Variants in GPR137C observed in about 807,000 individuals in gnomAD.
GPR137C encodes integral membrane protein GPR137C.
A neutral mutation model predicts 43.4 loss-of-function variants in GPR137C; 27 were observed. The observed-to-expected ratio is 0.62, with a 90% CI of 0.46 to 0.86. GPR137C has a LOEUF of 0.86. GPR137C is among the 40% of genes least tolerant of loss of function. The probability of loss-of-function intolerance (pLI) is 0.00; values close to 1 mark genes in which losing one functional copy is unlikely to be tolerated. For missense variants in GPR137C, 522 were observed against 534.6 expected (o/e 0.98, Z 0.23); for synonymous variants, 285 against 226.9 (o/e 1.26, Z -2.30).
chr14:52,622,752 G>T (rs2039174780), intron 3 of GPR137C, among the ~76,000 whole-genome samples: 1 of 152,040 alleles, frequency 6.6e-6, no homozygotes, highest in African/African-American at 2.4e-5. Flanking sequence ...GTACTTGAGT[G>T]TGCAGCAGAA....
chr14:52,601,677 G>A (rs2139529961), intron 3 of GPR137C, among the ~76,000 whole-genome samples: 1 of 152,106 alleles, frequency 6.6e-6, no homozygotes, highest in East Asian at 1.9e-4. Flanking sequence ...TACTGTCACT[G>A]TTACAGTCCA....
At chr14:52,569,032 T>C (rs552894437) in intron 1 of GPR137C, among the ~76,000 whole-genome samples, 15 of 152,292 alleles carry the variant, frequency 9.8e-5, no homozygotes, top group African/African-American at 3.1e-4. Flanking sequence ...GACAGACACC[T>C]TATGCAACAG....
In GPR137C at chr14:52,600,119, A is replaced by G. The variant is rs758963196; in HGVS notation, c.495A>G (p.Leu165=). The part of the protein sequence containing the change: ...CATELDRHKI[L]LHLGFIMASL... ...TATACTTTTTTTCTTTCAGAATTCT[A>G]CTGCATTTGGGCTTTATAATGGCAA... The change falls in exon 3 of 7, where the codon CTA becomes CTG. Residue 165 remains leucine, a synonymous_variant. Transcript: ENST00000321662. 3.7e-6 allele frequency: 6 copies of G among 1,609,284 alleles called. No individual in the cohort carries two copies. Among genetic ancestry groups the G allele is most frequent in the Non-Finnish European group, 1.7e-6 (2 of 1,176,278 alleles).
At chr14:52,625,920 T>TA (rs1566625823) in intron 3 of GPR137C, among the ~76,000 whole-genome samples, 1 of 152,096 alleles carries the variant, frequency 6.6e-6, no homozygotes, top group East Asian at 1.9e-4. Context: ...TTGACAAAGA[T>TA]AGAGTGGCAG....
rs1442181304 is a variant in GPR137C at position 52,637,358 on chromosome 14, T to A, written c.*2243T>A. The A allele has an allele frequency of 6.6e-6, 1 of 152,166 alleles. No individual in the cohort carries two copies. The highest frequency in any genetic ancestry group is 1.5e-5 in the Non-Finnish European group (1 of 68,006). The allele number at this position is 152,166 out of a possible 1,614,324, so 9.4% of individuals were successfully genotyped here. Reference sequence around the variant, plus strand: ...GTTCATCCTGCACTGAAGCACATGATGACAGTATCAAACCTTCATTTTTGT... The same window carrying A: ...GTTCATCCTGCACTGAAGCACATGAAGACAGTATCAAACCTTCATTTTTGT... On this transcript the variant is annotated 3_prime_UTR_variant, in exon 7 of 7. Coordinates refer to ENST00000321662, the MANE Select transcript of GPR137C (RefSeq NM_001099652.2).
At chr14:52,569,723 G>A (rs1056626783) in intron 1 of GPR137C, among the ~76,000 whole-genome samples, 21 of 151,776 alleles carry the variant, frequency 1.4e-4, no homozygotes, top group East Asian at 1.4e-3. Context: ...GAAATAAAGC[G>A]TGAAGACAAG....
chr14:52,635,105 C>A lies in GPR137C; in HGVS notation c.1280C>A (p.Pro427Gln), dbSNP rs764222363. 11 of 1,562,586 alleles carry A rather than the reference C, an allele frequency of 7.0e-6. No homozygotes were observed. The highest frequency in any genetic ancestry group is 1.4e-5 in the African/African-American group (1 of 72,016). ...AATCATCATAGCTTATATGTGACAC[C>A]ACAAAACTGACAGCATCACCAAGTC... ...LNNHHSLYVT[P>Q]QN The change falls in exon 7 of 7, where the codon CCA (proline) becomes CAA (glutamine). Residue 427 changes from proline to glutamine, a missense_variant. Pro to Gln is a moderately conservative substitution (Grantham distance 76). This residue lies in a region of GPR137C where 67 missense variants were observed against 69.0 expected (regional missense o/e 0.97). Coordinates refer to ENST00000321662, the MANE Select transcript of GPR137C (RefSeq NM_001099652.2).
intron 1 of GPR137C, among the ~76,000 whole-genome samples, chr14:52,561,077 A>T (rs189317515): frequency 2.6e-4 from 39 of 150,232 alleles, no homozygotes; most frequent in Middle Eastern, 3.4e-3. Flanking sequence ...CATAGCCAAG[A>T]AACACAAGAA....
chr14:52,599,108 A>T (rs2139524199), intron 2 of GPR137C, among the ~76,000 whole-genome samples: 1 of 152,320 alleles, frequency 6.6e-6, no homozygotes, highest in Non-Finnish European at 1.5e-5. Context: ...TTGGAAGTAT[A>T]AATGTGTTTG....
At chr14:52,566,586 A>C (rs1484425478) in intron 1 of GPR137C, among the ~76,000 whole-genome samples, 6 of 152,228 alleles carry the variant, frequency 3.9e-5, no homozygotes. Context: ...AAACAGCAGG[A>C]CTGACAGCAG....
intron 3 of GPR137C, among the ~76,000 whole-genome samples, chr14:52,617,641 C>T (rs2039114309): frequency 6.6e-6 from 1 of 152,032 alleles, no homozygotes; most frequent in African/African-American, 2.4e-5. Flanking sequence ...ATTGTACCAC[C>T]GCACTCCAGC....
intron 1 of GPR137C, among the ~76,000 whole-genome samples, chr14:52,583,195 A>G (rs1325861866): frequency 2.0e-5 from 3 of 152,236 alleles, no homozygotes. Context: ...AAAAAAATCT[A>G]CATAAAGCAT....
At chr14:52,578,523 C>T (rs1488177061) in intron 1 of GPR137C, among the ~76,000 whole-genome samples, 2 of 152,136 alleles carry the variant, frequency 1.3e-5, no homozygotes, top group African/African-American at 4.8e-5. Flanking sequence ...TATCTACTCT[C>T]TCTAAGTTTA....
At chr14:52,574,551 C>T (rs146977503) in intron 1 of GPR137C, among the ~76,000 whole-genome samples, 1,899 of 152,068 alleles carry the variant, frequency 0.012, 13 homozygotes, top group Non-Finnish European at 0.021. Context: ...CATCACACAC[C>T]GGGGCCTGTC....
At chr14:52,588,950 G>A (rs2038746062) in intron 1 of GPR137C, among the ~76,000 whole-genome samples, 1 of 152,124 alleles carries the variant, frequency 6.6e-6, no homozygotes, top group Non-Finnish European at 1.5e-5. Flanking sequence ...CATAGCGGCA[G>A]CATTCACAAT....
At chr14:52,598,683 T>C in intron 2 of GPR137C, among the ~76,000 whole-genome samples, 1 of 152,220 alleles carries the variant, frequency 6.6e-6, no homozygotes, top group East Asian at 1.9e-4. Context: ...ATTTCAGTAC[T>C]GATCAATCTC....
At chr14:52,632,564 C>T (rs189784957) in intron 4 of GPR137C, among the ~76,000 whole-genome samples, 17 of 152,056 alleles carry the variant, frequency 1.1e-4, no homozygotes, top group Non-Finnish European at 1.5e-4. Flanking sequence ...ACAAGCCTCT[C>T]GGTCATATGC....
intron 1 of GPR137C, among the ~76,000 whole-genome samples, chr14:52,568,355 T>C (rs549623356): frequency 8.1e-4 from 123 of 151,976 alleles, no homozygotes; most frequent in African/African-American, 2.7e-3. Flanking sequence ...GGGCCCTGGG[T>C]TTCAAGCACA....
chr14:52,632,077 A>G, intron 3 of GPR137C, 83 bp from the exon 4 acceptor site: 1 of 851,076 alleles, frequency 1.2e-6, no homozygotes, highest in East Asian at 2.5e-5. Flanking sequence ...GCATTGCAAG[A>G]GGTGACCATA....
Sources: gnomAD v4.1 joint callset for allele counts (sites outside exome capture counted in the v4.1 genomes callset) on GRCh38, gnomAD v4.1.1 for gene constraint, gnomAD v4.1.1 regional missense constraint, MANE v1.5 for transcripts, NCBI Gene and HGNC (gene_info 2026-07-23, HGNC 2026-07-21) for gene names.